CSMD3: variants seen among roughly 807,000 people sequenced by gnomAD.
CSMD3 encodes CUB and sushi domain-containing protein 3.
A neutral mutation model predicts 435.2 loss-of-function variants in CSMD3; 177 were observed. That is an observed-to-expected ratio of 0.41 (90% CI 0.36 to 0.46). The LOEUF (loss-of-function observed/expected upper bound fraction) is 0.46, where lower values mean the gene tolerates loss of function less well. CSMD3 is among the 20% of genes least tolerant of loss of function. The pLI is 0.34. For missense variants in CSMD3, 4,265 were observed against 4,504.6 expected (o/e 0.95, Z 1.52); for synonymous variants, 1,656 against 1,520.5 (o/e 1.09, Z -2.07).
intron 13 of CSMD3, among the ~76,000 whole-genome samples, chr8:112,778,269 T>C (rs2078294687): frequency 6.6e-6 from 1 of 151,908 alleles, no homozygotes; most frequent in Admixed American, 6.6e-5. Context: ...TGGTGTTGTA[T>C]ATTCTGTGGG....
intron 32 of CSMD3, among the ~76,000 whole-genome samples, chr8:112,423,894 G>A (rs1412413307): frequency 2.0e-5 from 3 of 152,022 alleles, no homozygotes; most frequent in East Asian, 1.9e-4. Context: ...TCCATGCGTT[G>A]TCTAGGCCTG....
intron 4 of CSMD3, among the ~76,000 whole-genome samples, chr8:113,101,814 T>C (rs1048584844): frequency 1.3e-5 from 2 of 152,074 alleles, no homozygotes; most frequent in Admixed American, 6.6e-5. Flanking sequence ...AGAATCAGTA[T>C]CTGACAAAAT....
intron 12 of CSMD3, among the ~76,000 whole-genome samples, chr8:112,804,162 T>C (rs2079025557): frequency 6.6e-6 from 1 of 152,202 alleles, no homozygotes; most frequent in South Asian, 2.1e-4. Context: ...TCTCAGAATC[T>C]ACCGGTATGG....
chr8:113,404,993 T>C (rs1457775881), intron 1 of CSMD3, among the ~76,000 whole-genome samples: 9 of 151,516 alleles, frequency 5.9e-5, no homozygotes, highest in Admixed American at 5.9e-4. Context: ...TAAGTCTATG[T>C]TGCCAAAGAG....
chr8:113,143,778 G>T (rs921162549), intron 4 of CSMD3, among the ~76,000 whole-genome samples: 2 of 151,456 alleles, frequency 1.3e-5, no homozygotes, highest in African/African-American at 2.4e-5. Context: ...ATTAGTGATT[G>T]TAAGAGGTTA....
chr8:113,417,800 AAC>A (rs2094589126), intron 1 of CSMD3, among the ~76,000 whole-genome samples: 1 of 152,082 alleles, frequency 6.6e-6, no homozygotes, highest in South Asian at 2.1e-4. Flanking sequence ...TTAGAACATT[AAC>A]ATAGGACAGG....
chr8:112,421,466 C>T (rs1300713596), intron 32 of CSMD3, among the ~76,000 whole-genome samples: 3 of 151,194 alleles, frequency 2.0e-5, no homozygotes, highest in Non-Finnish European at 4.4e-5. Flanking sequence ...ATTACTGGAA[C>T]CCGGGAGCCA....
At chr8:112,254,793 A>G (rs1815626952) in intron 62 of CSMD3, among the ~76,000 whole-genome samples, 1 of 152,086 alleles carries the variant, frequency 6.6e-6, no homozygotes, top group African/African-American at 2.4e-5. Context: ...AATGGTAGGT[A>G]GATGTGTCGG....
chr8:112,633,416 C>T (rs1330142065), intron 22 of CSMD3, among the ~76,000 whole-genome samples: 1 of 151,896 alleles, frequency 6.6e-6, no homozygotes, highest in African/African-American at 2.4e-5. Flanking sequence ...TTGTGTTCAA[C>T]CTTGAGTATT....
At chr8:112,591,729 A>C (rs1445565166) in intron 22 of CSMD3, among the ~76,000 whole-genome samples, 1 of 152,078 alleles carries the variant, frequency 6.6e-6, no homozygotes, top group Non-Finnish European at 1.5e-5. Flanking sequence ...ATGTTTAATT[A>C]TTACCAGAAG....
At chr8:113,058,943 C>A (rs2088476961) in intron 5 of CSMD3, among the ~76,000 whole-genome samples, 1 of 152,002 alleles carries the variant, frequency 6.6e-6, no homozygotes, top group Admixed American at 6.6e-5. Flanking sequence ...TATAATTATT[C>A]TTGATTAATA....
At position 113,029,672 on chromosome 8, in the gene CSMD3, C is replaced by T. The variant is rs944145501; in HGVS notation, c.918-10493G>A. On this transcript the variant is annotated intron_variant, in intron 5 of 70. Coordinates refer to ENST00000297405, the MANE Select transcript of CSMD3 (RefSeq NM_198123.2). Reference sequence around the variant, plus strand: ...TGAAACACCCACAGCCAACATTATACTGAATGGGGAAAAGTTGAAAGCATT... The same window carrying T: ...TGAAACACCCACAGCCAACATTATATTGAATGGGGAAAAGTTGAAAGCATT... Among the ~76,000 whole-genome samples the T allele has an allele frequency of 2.0e-5, 3 of 151,568 alleles. 1 individual carries two copies. Among genetic ancestry groups the T allele is most frequent in the Non-Finnish European group, 4.4e-5 (3 of 67,776 alleles).
intron 47 of CSMD3, 146 bp downstream of exon 47, chr8:112,318,691 A>G: frequency 1.6e-6 from 1 of 629,406 alleles, no homozygotes; most frequent in Non-Finnish European, 2.8e-6. Context: ...TTCTAAATGA[A>G]ATAGCACATA....
intron 2 of CSMD3, chr8:113,312,374 G>A (rs1172574340): frequency 1.3e-5 from 2 of 151,998 alleles, no homozygotes; most frequent in Non-Finnish European, 2.9e-5. Context: ...AAATGTTAAG[G>A]GTTAGAGTCA....
intron 5 of CSMD3, among the ~76,000 whole-genome samples, chr8:113,059,634 C>T (rs1442173253): frequency 6.6e-6 from 1 of 152,078 alleles, no homozygotes; most frequent in Non-Finnish European, 1.5e-5. Context: ...TGAAAAAGAT[C>T]TGAGGTTATG....
chr8:112,678,403 A>C, intron 16 of CSMD3, among the ~76,000 whole-genome samples: 1 of 152,212 alleles, frequency 6.6e-6, no homozygotes, highest in Admixed American at 6.5e-5. Context: ...GATAATCAAA[A>C]GTACCTGCAA....
intron 11 of CSMD3, among the ~76,000 whole-genome samples, chr8:112,854,046 C>CT (rs1194476425): frequency 1.3e-5 from 2 of 152,160 alleles, no homozygotes; most frequent in African/African-American, 2.4e-5. Context: ...ACAGTTTTTA[C>CT]TTTTCTTTCT....
intron 18 of CSMD3, among the ~76,000 whole-genome samples, chr8:112,654,012 A>G (rs1289463124): frequency 6.9e-6 from 1 of 145,762 alleles, no homozygotes; most frequent in Admixed American, 6.9e-5. Context: ...GGCAGATAGA[A>G]TGGGGTAAAA....
intron 32 of CSMD3, among the ~76,000 whole-genome samples, chr8:112,458,164 A>C (rs1373929165): frequency 6.6e-6 from 1 of 150,494 alleles, no homozygotes; most frequent in South Asian, 2.1e-4. Context: ...TTGAGCTGCA[A>C]CTTTGTAAAG....
Sources: allele counts gnomAD v4.1 joint callset (sites outside exome capture counted in the v4.1 genomes callset), GRCh38; gene constraint gnomAD v4.1.1; transcripts MANE v1.5; gene names NCBI Gene and HGNC (gene_info 2026-07-23, HGNC 2026-07-21).